PAH: variants seen among roughly 807,000 people sequenced by gnomAD.
PAH encodes the protein phenylalanine hydroxylase, also known as phenylalanine-4-hydroxylase.
Under a neutral mutation model 62.0 loss-of-function variants are expected in PAH, and 64 were observed. The observed-to-expected ratio is 1.03, with a 90% CI of 0.84 to 1.27. PAH has a LOEUF of 1.27. Ranked by LOEUF, PAH falls within the 50% of genes most tolerant of loss-of-function variation. PAH has a pLI of 0.00. For missense variants in PAH, 579 were observed against 542.8 expected, an observed-to-expected ratio of 1.07 and a Z score of -0.66; for synonymous variants, 195 against 196.2, an observed-to-expected ratio of 0.99 and a Z score of 0.05.
At chr12:102,887,276 A>T (rs537791502) in intron 3 of PAH, among the ~76,000 whole-genome samples, 1 of 152,016 alleles carries the variant, frequency 6.6e-6, no homozygotes, top group Non-Finnish European at 1.5e-5. Context: ...GAAAAGCTGC[A>T]TGAAAAGCTG....
At chr12:102,944,230 C>T (rs939883669) in intron 1 of PAH, among the ~76,000 whole-genome samples, 1 of 152,074 alleles carries the variant, frequency 6.6e-6, no homozygotes, top group Non-Finnish European at 1.5e-5. Flanking sequence ...TATTAAATGT[C>T]TTCAGGTAGT....
Position 102,844,416 on chromosome 12 carries a change from C to T in PAH, c.985G>A (p.Val329Met), listed in dbSNP as rs989654400. 6.2e-7 allele frequency: 1 copy of T among 1,611,686 alleles called. No homozygotes were observed. The highest frequency in any genetic ancestry group is 1.3e-5 in the African/African-American group (1 of 74,846). The change falls in exon 10 of 13, where the codon GTG becomes ATG. Residue 329 changes from valine (V) to methionine (M), a missense_variant. By Grantham distance (21) the Val-to-Met change is conservative. Coordinates refer to ENST00000553106, the MANE Select transcript of PAH (RefSeq NM_000277.3). ...CCTTGTTTGCAGAGCCCAAACTCCA[C>T]AGTAAACCAGTAAATCTGGAATGGA... ...EKLATIYWFTVEFGLCKQGDS... is the reference protein window; with the variant it reads ...EKLATIYWFTMEFGLCKQGDS...
At chr12:102,862,068 A>T (rs1288869766) in intron 5 of PAH, among the ~76,000 whole-genome samples, 1 of 152,172 alleles carries the variant, frequency 6.6e-6, no homozygotes, top group African/African-American at 2.4e-5. Flanking sequence ...TACCCAAAGG[A>T]ATATAAATCA....
intron 1 of PAH, chr12:102,958,176 C>G: frequency 2.4e-6 from 3 of 1,246,116 alleles, no homozygotes; most frequent in Admixed American, 3.5e-5. Flanking sequence ...TCTCTGTGTC[C>G]CCCTCGCGGG....
At chr12:102,852,772 G>T in intron 7 of PAH, 43 bp downstream of exon 7, 1 of 1,613,152 alleles carries the variant, frequency 6.2e-7, no homozygotes, top group South Asian at 1.1e-5. Flanking sequence ...AAAAGATGGC[G>T]CTCATTGTGC....
At chr12:102,936,310 A>G (rs1879097295) in intron 1 of PAH, among the ~76,000 whole-genome samples, 1 of 152,186 alleles carries the variant, frequency 6.6e-6, no homozygotes, top group African/African-American at 2.4e-5. Context: ...AATATGGTCT[A>G]TTCTTGAGAA....
At chr12:102,936,852 T>C (rs955393442) in intron 1 of PAH, among the ~76,000 whole-genome samples, 1 of 152,148 alleles carries the variant, frequency 6.6e-6, no homozygotes, top group African/African-American at 2.4e-5. Context: ...TGTCTTTTGA[T>C]TGGAGAGTGA....
At chr12:102,914,486 C>T (rs565719236) in intron 1 of PAH, 1 of 152,522 alleles carries the variant, frequency 6.6e-6, no homozygotes, top group South Asian at 2.1e-4. Context: ...GAGCCAGGAT[C>T]TGAACCCAGG....
At chr12:102,890,110 C>A (rs1877213213) in intron 3 of PAH, among the ~76,000 whole-genome samples, 1 of 152,150 alleles carries the variant, frequency 6.6e-6, no homozygotes, top group Non-Finnish European at 1.5e-5. Context: ...GGGTGGGGAA[C>A]TTTCGCAATT....
At chr12:102,940,348 A>T (rs887743889) in intron 1 of PAH, among the ~76,000 whole-genome samples, 1 of 152,252 alleles carries the variant, frequency 6.6e-6, no homozygotes. Flanking sequence ...AATGACAGAC[A>T]TAAAATTCAG....
intron 9 of PAH, 35 bp downstream of exon 9, chr12:102,846,860 A>C: frequency 6.4e-7 from 1 of 1,566,734 alleles, no homozygotes. Flanking sequence ...AGCCTATAGC[A>C]CTCCACCATC....
At chr12:102,945,795 C>T (rs563243878) in intron 1 of PAH, among the ~76,000 whole-genome samples, 9 of 152,240 alleles carry the variant, frequency 5.9e-5, no homozygotes, top group African/African-American at 1.2e-4. Flanking sequence ...TACCCCACTG[C>T]GGCCAACCTC....
At chr12:102,898,570 G>T (rs1477526536) in intron 2 of PAH, among the ~76,000 whole-genome samples, 1 of 152,094 alleles carries the variant, frequency 6.6e-6, no homozygotes, top group African/African-American at 2.4e-5. Context: ...AACGGTATAA[G>T]GTTCAAAAGA....
At chr12:102,913,741 A>G in intron 1 of PAH, 2 of 695,664 alleles carry the variant, frequency 2.9e-6, no homozygotes, top group Admixed American at 2.0e-5. Flanking sequence ...CAAATAACCT[A>G]TCAGAAAATA....
upstream of PAH, among the ~76,000 whole-genome samples, chr12:102,922,106 C>G (rs1878563654): frequency 6.6e-6 from 1 of 151,332 alleles, no homozygotes; most frequent in Non-Finnish European, 1.5e-5. Flanking sequence ...GATCTTTAAG[C>G]AAATATTTAT....
At chr12:102,885,290 C>T (rs915102402) in intron 3 of PAH, among the ~76,000 whole-genome samples, 8 of 152,202 alleles carry the variant, frequency 5.3e-5, no homozygotes, top group South Asian at 4.1e-4. Flanking sequence ...TCCCCCTACC[C>T]GGTCTCTCTC....
intron 8 of PAH, among the ~76,000 whole-genome samples, chr12:102,848,094 T>C (rs746019429): frequency 5.9e-5 from 9 of 152,210 alleles, no homozygotes; most frequent in Non-Finnish European, 1.3e-4. Context: ...TAGATGGTCA[T>C]GATCTCACTT....
intron 5 of PAH, among the ~76,000 whole-genome samples, chr12:102,862,061 C>T (rs1454046568): frequency 6.6e-6 from 1 of 151,684 alleles, no homozygotes; most frequent in African/African-American, 2.4e-5. Flanking sequence ...AGGTACATAC[C>T]CAAAGGAATA....
intron 4 of PAH, among the ~76,000 whole-genome samples, chr12:102,874,654 GA>G (rs551424070): frequency 6.6e-6 from 1 of 152,100 alleles, no homozygotes; most frequent in Non-Finnish European, 1.5e-5. Context: ...AAAGATTTTG[GA>G]AAAAAAGAAA....
Sources: allele counts gnomAD v4.1 joint callset (sites outside exome capture counted in the v4.1 genomes callset), GRCh38; gene constraint gnomAD v4.1.1; transcripts MANE v1.5; gene names NCBI Gene and HGNC (gene_info 2026-07-23, HGNC 2026-07-21).